The following AMPH variants were observed in gnomAD, a reference collection of about 807,000 sequenced individuals.
The protein encoded by AMPH is amphiphysin, also known as amphiphysin (Stiff-Mann syndrome with breast cancer 128kD autoantigen).
A neutral mutation model predicts 99.1 loss-of-function variants in AMPH; 49 were observed. That is an observed-to-expected ratio of 0.49 (90% CI 0.39 to 0.63). AMPH has a LOEUF of 0.63. Among genes scored for constraint, AMPH ranks in the 20% least tolerant of loss-of-function variants. The pLI, the probability that AMPH is intolerant of heterozygous loss-of-function variation, is 0.00. For missense variants in AMPH, 759 were observed against 863.4 expected, an observed-to-expected ratio of 0.88 and a Z score of 1.52; for synonymous variants, 314 against 317.3, an observed-to-expected ratio of 0.99 and a Z score of 0.11.
chr7:38,492,697 G>C (rs1210805046), intron 4 of AMPH, among the ~76,000 whole-genome samples: 1 of 152,100 alleles, frequency 6.6e-6, no homozygotes, highest in African/African-American at 2.4e-5. Flanking sequence ...TGCAACTGAG[G>C]ATTCCAAAAA....
chr7:38,387,069 AC>A (rs1331874389), intron 20 of AMPH, among the ~76,000 whole-genome samples: 1 of 152,234 alleles, frequency 6.6e-6, no homozygotes, highest in African/African-American at 2.4e-5. Context: ...CATAAAGGGT[AC>A]AGACCCACCC....
At chr7:38,481,162 ATCTTATT>A (rs1447273865) in intron 5 of AMPH, among the ~76,000 whole-genome samples, 1 of 152,108 alleles carries the variant, frequency 6.6e-6, no homozygotes, top group Non-Finnish European at 1.5e-5. Flanking sequence ...AGATAAATCA[ATCTTATT>A]TCCTTACCTA....
chr7:38,440,183 A>G (rs536010275), intron 11 of AMPH, among the ~76,000 whole-genome samples: 6 of 152,354 alleles, frequency 3.9e-5, no homozygotes, highest in African/African-American at 1.2e-4. Context: ...AAAGAACCAG[A>G]GAAAAGAAGA....
chr7:38,567,902 A>G (rs1212866917), intron 1 of AMPH, among the ~76,000 whole-genome samples: 1 of 152,210 alleles, frequency 6.6e-6, no homozygotes, highest in Non-Finnish European at 1.5e-5. Context: ...CTTAAAATTA[A>G]TAAGGCAGCT....
At chr7:38,469,731 C>T (rs1195696020) in intron 7 of AMPH, among the ~76,000 whole-genome samples, 1 of 152,178 alleles carries the variant, frequency 6.6e-6, no homozygotes, top group Admixed American at 6.5e-5. Context: ...CCCTCTCTCC[C>T]TCACCAAATC....
At chr7:38,503,502 G>GGA (rs201370694) in intron 3 of AMPH, 148 bp downstream of exon 3, 1 of 519,562 alleles carries the variant, frequency 1.9e-6, no homozygotes, top group Admixed American at 3.4e-5. Flanking sequence ...GGGCGGGGGG[G>GGA]TGGGTGGTGG....
At chr7:38,621,030 T>C (rs1410664926) in intron 1 of AMPH, among the ~76,000 whole-genome samples, 7 of 152,296 alleles carry the variant, frequency 4.6e-5, no homozygotes, top group African/African-American at 1.7e-4. Flanking sequence ...GTGTCTGCAG[T>C]CAATTCTCTA....
intron 17 of AMPH, among the ~76,000 whole-genome samples, chr7:38,403,270 C>T (rs994157879): frequency 3.3e-5 from 5 of 152,156 alleles, no homozygotes; most frequent in African/African-American, 4.8e-5. Flanking sequence ...ACTTAGAATT[C>T]GGCAGAAAGG....
intron 1 of AMPH, among the ~76,000 whole-genome samples, chr7:38,558,762 T>C (rs1443392769): frequency 6.6e-6 from 1 of 152,218 alleles, no homozygotes; most frequent in Non-Finnish European, 1.5e-5. Context: ...CTGAGACACA[T>C]CCTGCTGACA....
chr7:38,462,341 C>A (rs1372700013), intron 10 of AMPH, among the ~76,000 whole-genome samples: 3 of 152,166 alleles, frequency 2.0e-5, no homozygotes, highest in African/African-American at 7.2e-5. Context: ...CTTTGTAAGG[C>A]AAGCAGCATC....
chr7:38,585,646 T>A (rs540761635), intron 1 of AMPH, among the ~76,000 whole-genome samples: 41 of 152,376 alleles, frequency 2.7e-4, no homozygotes, highest in African/African-American at 9.6e-4. Flanking sequence ...AAATTTAGCC[T>A]AAGCTTTTAA....
At chr7:38,389,663 G>T in intron 20 of AMPH, 141 bp downstream of exon 20, 1 of 685,430 alleles carries the variant, frequency 1.5e-6, no homozygotes, top group Admixed American at 2.3e-5. Flanking sequence ...AATGATCTAT[G>T]CTGTCACAAG....
chr7:38,427,237 A>T (rs1294179207), intron 14 of AMPH, among the ~76,000 whole-genome samples: 1 of 152,180 alleles, frequency 6.6e-6, no homozygotes, highest in Non-Finnish European at 1.5e-5. Context: ...GTGCCAACCA[A>T]AACCCACTTT....
At chr7:38,565,148 C>A (rs114306784) in intron 1 of AMPH, among the ~76,000 whole-genome samples, 1,641 of 151,234 alleles carry the variant, frequency 0.011, 31 homozygotes, top group African/African-American at 0.038. Context: ...AAGAAAAGAA[C>A]CTTCCTGGGA....
intron 2 of AMPH, among the ~76,000 whole-genome samples, chr7:38,517,276 G>T (rs1562802280): frequency 6.6e-6 from 1 of 152,178 alleles, no homozygotes; most frequent in East Asian, 1.9e-4. Flanking sequence ...GTTGGAGGAG[G>T]AACCTGGTGG....
chr7:38,585,815 C>T (rs534088665), intron 1 of AMPH, among the ~76,000 whole-genome samples: 1 of 152,328 alleles, frequency 6.6e-6, no homozygotes, highest in South Asian at 2.1e-4. Flanking sequence ...AATAATGCTT[C>T]AGCACTGATT....
At chr7:38,455,984 C>A (rs547073068) in intron 11 of AMPH, among the ~76,000 whole-genome samples, 4 of 152,192 alleles carry the variant, frequency 2.6e-5, no homozygotes, top group Non-Finnish European at 5.9e-5. Context: ...CTGCACTCCC[C>A]ACAGACCCAC....
At chr7:38,428,667 G>A (rs1785878612) in intron 14 of AMPH, 1 of 456,524 alleles carries the variant, frequency 2.2e-6, no homozygotes, top group South Asian at 1.5e-5. Context: ...TACAGAGTAG[G>A]TCTGGAGAGA....
At chr7:38,499,612 C>T (rs565048397) in intron 3 of AMPH, among the ~76,000 whole-genome samples, 89 of 152,186 alleles carry the variant, frequency 5.8e-4, no homozygotes, top group Non-Finnish European at 1.2e-3. Context: ...CCTGATGCTA[C>T]CTGTGTTATA....
Sources: gnomAD v4.1 joint callset for allele counts (sites outside exome capture counted in the v4.1 genomes callset) on GRCh38, gnomAD v4.1.1 for gene constraint, MANE v1.5 for transcripts, NCBI Gene and HGNC (gene_info 2026-07-23, HGNC 2026-07-21) for gene names.